Variants in CAST observed in about 807,000 individuals in gnomAD.
CAST encodes MIR583 host.
CAST carries 76 observed loss-of-function variants against 119.6 expected under a neutral mutation model. The observed-to-expected ratio is 0.64, with a 90% CI of 0.53 to 0.77. The LOEUF (loss-of-function observed/expected upper bound fraction) is 0.77, where lower values mean the gene tolerates loss of function less well. CAST is among the 30% of genes least tolerant of loss of function. The pLI is 0.00. For missense variants in CAST, 953 were observed against 946.5 expected (o/e 1.01, Z -0.09); for synonymous variants, 319 against 331.6 (o/e 0.96, Z 0.41).
the CAST span, among the ~76,000 whole-genome samples, chr5:96,518,233 T>C: frequency 6.6e-6 from 1 of 152,264 alleles, no homozygotes; most frequent in South Asian, 2.1e-4. Context: ...TTAGCTAGTA[T>C]TTATAGATTA....
chr5:96,740,176 A>T (rs1762397390), intron 12 of CAST, 58 bp downstream of exon 12: 3 of 807,296 alleles, frequency 3.7e-6, no homozygotes, highest in Non-Finnish European at 6.1e-6. Context: ...AAATAATTTC[A>T]TGTCAATATT....
the CAST span, among the ~76,000 whole-genome samples, chr5:96,115,777 C>T: frequency 6.0e-4 from 92 of 152,278 alleles, no homozygotes; most frequent in Non-Finnish European, 1.1e-3. Context: ...CAAAACATAT[C>T]ACAGATGTAC....
chr5:96,223,114 G>C, the CAST span, among the ~76,000 whole-genome samples: 1 of 152,222 alleles, frequency 6.6e-6, no homozygotes, highest in East Asian at 1.9e-4. Context: ...GGCTGAGAAA[G>C]GGTGTGAGGG....
At chr5:96,399,867 TA>T in the CAST span, 1 of 1,036,270 alleles carries the variant, frequency 9.6e-7, no homozygotes, top group African/African-American at 1.6e-5. Flanking sequence ...GAAGGGTAGA[TA>T]CAAAAAAATC....
At chr5:96,191,362 A>C in the CAST span, among the ~76,000 whole-genome samples, 2 of 152,244 alleles carry the variant, frequency 1.3e-5, no homozygotes, top group Admixed American at 1.3e-4. Flanking sequence ...AGTACTTTAC[A>C]TATATTAATT....
At chr5:96,240,735 C>CTTTTTTTT in the CAST span, among the ~76,000 whole-genome samples, 1 of 102,438 alleles carries the variant, frequency 9.8e-6, no homozygotes, top group Non-Finnish European at 2.0e-5. Flanking sequence ...AGCTAACTTT[C>CTTTTTTTT]TTTTTTTTTT....
At chr5:96,620,184 G>T (rs1026798280) in intron 1 of CAST, among the ~76,000 whole-genome samples, 1 of 152,072 alleles carries the variant, frequency 6.6e-6, no homozygotes, top group Non-Finnish European at 1.5e-5. Context: ...GTCCTCTAGA[G>T]CCTGTAGGGC....
At position 96,773,081 on chromosome 5, in the gene CAST, C is replaced by G. The variant is rs1398326975; in HGVS notation, c.*465C>G. 1 of 153,772 alleles carries G rather than the reference C, an allele frequency of 6.5e-6. No individual in the cohort carries two copies. The highest frequency in any genetic ancestry group is 1.5e-5 in the Non-Finnish European group (1 of 68,006). 9.5% of individuals were successfully genotyped at this position (153,772 alleles called of 1,614,324 possible). On this transcript the variant is annotated 3_prime_UTR_variant, in exon 32 of 32. Transcript: ENST00000675179. ...TTCAGTGTTCTGATTTCTTATTACC[C>G]CCTTTCCTCTTGGGCTTTTGAACTG...
the CAST span, among the ~76,000 whole-genome samples, chr5:96,144,826 A>G: frequency 0.019 from 2,883 of 152,096 alleles, 63 homozygotes; most frequent in African/African-American, 0.058. Context: ...ACAGGTGCGC[A>G]CCACCATGCC....
At chr5:95,971,269 A>C in the CAST span, among the ~76,000 whole-genome samples, 1 of 152,128 alleles carries the variant, frequency 6.6e-6, no homozygotes, top group African/African-American at 2.4e-5. Context: ...ATTACCCTAT[A>C]TTTTACATAC....
chr5:96,275,040 T>C, the CAST span, among the ~76,000 whole-genome samples: 1 of 152,236 alleles, frequency 6.6e-6, no homozygotes, highest in Non-Finnish European at 1.5e-5. Context: ...TTGCTGAAGT[T>C]AGTCAATTAA....
the CAST span, among the ~76,000 whole-genome samples, chr5:96,427,712 C>A: frequency 6.6e-6 from 1 of 152,122 alleles, no homozygotes; most frequent in South Asian, 2.1e-4. Context: ...GTCCAATTTT[C>A]TCCTATGAAA....
At chr5:96,431,308 A>C in the CAST span, among the ~76,000 whole-genome samples, 1 of 152,096 alleles carries the variant, frequency 6.6e-6, no homozygotes, top group Non-Finnish European at 1.5e-5. Flanking sequence ...CGATCTCATT[A>C]TGTGCTCCTG....
rs1581296478 is a variant in CAST at position 96,754,801 on chromosome 5, A to C, written c.1710+60A>C. Reference sequence around the variant, plus strand: ...AATTCATACTGAATTCATACACAGAACAAAGGTACTTGGGAACAGAACTGG... The same window carrying C: ...AATTCATACTGAATTCATACACAGACCAAAGGTACTTGGGAACAGAACTGG... On this transcript the variant is annotated intron_variant, in intron 22 of 31. Transcript: ENST00000675179. The C allele has an allele frequency of 1.5e-5, 14 of 959,728 alleles. No homozygotes were observed. The East Asian group carries it at 3.4e-4, about 23-fold the overall frequency. The allele number at this position is 959,728 out of a possible 1,614,324, so 59.5% of individuals were successfully genotyped here. A position where few individuals can be genotyped will look rare whatever the true frequency, so the allele number is the denominator to read the frequency against.
chr5:96,139,377 A>G, the CAST span, among the ~76,000 whole-genome samples: 2 of 150,998 alleles, frequency 1.3e-5, no homozygotes, highest in Admixed American at 1.3e-4. Flanking sequence ...TCTGGGTTCA[A>G]TTCCTAGATC....
intron 3 of CAST, among the ~76,000 whole-genome samples, chr5:96,700,308 T>C (rs772735621): frequency 1.3e-5 from 2 of 152,236 alleles, no homozygotes; most frequent in African/African-American, 4.8e-5. Flanking sequence ...TCATTTATAG[T>C]GAGGCTGAAT....
the CAST span, among the ~76,000 whole-genome samples, chr5:96,315,045 C>G: frequency 6.6e-6 from 1 of 152,114 alleles, no homozygotes; most frequent in Admixed American, 6.5e-5. Flanking sequence ...GACTGGATTC[C>G]TCTCACCCTC....
In CAST at chr5:96,631,221, A is replaced by G. The variant is rs1747814146; in HGVS notation, c.61-44318A>G. Reference sequence around the variant, plus strand: ...TATCTAACTCCAGAACATTTTCATCACCCCAAAAAGGACACTAGGACCTGT... The same window carrying G: ...TATCTAACTCCAGAACATTTTCATCGCCCCAAAAAGGACACTAGGACCTGT... On this transcript the variant is annotated intron_variant, in intron 1 of 11. Transcript: ENST00000505143. The G allele has an allele frequency of 3.6e-5, 5 of 140,724 alleles. 1 individual carries two copies. In the South Asian group the frequency reaches 1.2e-3, roughly 33 times the overall value. 8.7% of individuals were successfully genotyped at this position (140,724 alleles called of 1,614,324 possible).
the CAST span, among the ~76,000 whole-genome samples, chr5:96,290,674 G>A: frequency 6.6e-6 from 1 of 152,170 alleles, no homozygotes. Flanking sequence ...AGTGAAGCGA[G>A]CTGCTTTCCT....
Sources: gnomAD v4.1 joint callset for allele counts (sites outside exome capture counted in the v4.1 genomes callset) on GRCh38, gnomAD v4.1.1 for gene constraint, MANE v1.5 for transcripts, NCBI Gene and HGNC (gene_info 2026-07-23, HGNC 2026-07-21) for gene names.